The following PTPRD variants were observed in gnomAD, a reference collection of about 807,000 sequenced individuals.
PTPRD encodes the protein receptor-type tyrosine-protein phosphatase delta.
In PTPRD, 34 loss-of-function variants were observed where a neutral mutation model predicts 214.5. The observed-to-expected ratio is 0.16, with a 90% CI of 0.12 to 0.21. PTPRD has a LOEUF of 0.21. PTPRD is among the 10% of genes least tolerant of loss of function. PTPRD has a pLI of 1.00. For synonymous variants in PTPRD, 1,128 were observed against 845.7 expected (o/e 1.33, Z -5.79); for missense variants, 2,545 against 2,398.7 (o/e 1.06, Z -1.27).
intron 10 of PTPRD, among the ~76,000 whole-genome samples, chr9:9,111,786 TA>T (rs1025102082): frequency 5.9e-5 from 9 of 152,142 alleles, no homozygotes; most frequent in Admixed American, 5.2e-4. Context: ...AAACATTTTT[TA>T]AAAAAACTCA....
intron 3 of PTPRD, among the ~76,000 whole-genome samples, chr9:10,186,681 G>A (rs77458860): frequency 0.024 from 3,644 of 152,076 alleles, 150 homozygotes; most frequent in African/African-American, 0.083. Flanking sequence ...AATTACTAAA[G>A]TGTGAAACAT....
intron 7 of PTPRD, among the ~76,000 whole-genome samples, chr9:9,654,695 T>C: frequency 6.6e-6 from 1 of 152,238 alleles, no homozygotes; most frequent in East Asian, 1.9e-4. Flanking sequence ...ATTCTGAGTT[T>C]AGCTAGAAGG....
intron 12 of PTPRD, among the ~76,000 whole-genome samples, chr9:8,678,264 C>T (rs1297231034): frequency 1.3e-5 from 2 of 152,210 alleles, no homozygotes; most frequent in East Asian, 1.9e-4. Context: ...CTTACGACCC[C>T]GGGAGTCCTA....
intron 3 of PTPRD, among the ~76,000 whole-genome samples, chr9:10,239,684 T>A (rs1595069938): frequency 7.1e-6 from 1 of 140,780 alleles, no homozygotes; most frequent in African/African-American, 2.5e-5. Flanking sequence ...CTATAGGAAA[T>A]ATGATAACTA....
At chr9:9,979,129 C>T (rs1053942750) in intron 4 of PTPRD, among the ~76,000 whole-genome samples, 2 of 151,846 alleles carry the variant, frequency 1.3e-5, no homozygotes, top group African/African-American at 4.8e-5. Flanking sequence ...TGAGAAATGT[C>T]AGAGGATGTC....
intron 4 of PTPRD, among the ~76,000 whole-genome samples, chr9:9,990,522 G>A (rs1381491418): frequency 6.6e-6 from 1 of 152,178 alleles, no homozygotes; most frequent in African/African-American, 2.4e-5. Flanking sequence ...TGTGCCCAGT[G>A]GCCAAGCAGA....
intron 8 of PTPRD, among the ~76,000 whole-genome samples, chr9:9,516,060 G>A (rs1189789891): frequency 6.6e-6 from 1 of 151,986 alleles, no homozygotes; most frequent in Non-Finnish European, 1.5e-5. Context: ...CAAGCTTTTT[G>A]CTTAACCTTC....
chr9:9,918,036 T>G (rs1602078366), intron 5 of PTPRD, among the ~76,000 whole-genome samples: 1 of 151,910 alleles, frequency 6.6e-6, no homozygotes. Flanking sequence ...TTATTACACA[T>G]AGTATTCGAA....
At chr9:9,909,030 G>A (rs978174132) in intron 5 of PTPRD, among the ~76,000 whole-genome samples, 8 of 150,240 alleles carry the variant, frequency 5.3e-5, no homozygotes, top group African/African-American at 9.9e-5. Flanking sequence ...ATATCACTGA[G>A]GTAAATAAAG....
intron 5 of PTPRD, among the ~76,000 whole-genome samples, chr9:9,893,253 C>A (rs1327878717): frequency 1.3e-5 from 2 of 150,894 alleles, no homozygotes; most frequent in African/African-American, 2.4e-5. Flanking sequence ...ATCATGAGGA[C>A]AAGATCAAAT....
chr9:10,072,739 G>A (rs1423602697), intron 3 of PTPRD, among the ~76,000 whole-genome samples: 3 of 152,140 alleles, frequency 2.0e-5, no homozygotes, highest in East Asian at 1.9e-4. Flanking sequence ...TGATTGGGGC[G>A]TTTTTACAGA....
At chr9:8,455,558 A>C (rs2096159597) in intron 33 of PTPRD, among the ~76,000 whole-genome samples, 1 of 152,194 alleles carries the variant, frequency 6.6e-6, no homozygotes, top group South Asian at 2.1e-4. Context: ...ATATATACCC[A>C]AGTGGCTGGA....
intron 4 of PTPRD, among the ~76,000 whole-genome samples, chr9:9,954,648 G>T (rs922106417): frequency 6.6e-6 from 1 of 151,776 alleles, no homozygotes; most frequent in Non-Finnish European, 1.5e-5. Context: ...TACTATAATA[G>T]GTACATAACA....
At chr9:9,947,979 A>T (rs958907033) in intron 4 of PTPRD, among the ~76,000 whole-genome samples, 43 of 151,892 alleles carry the variant, frequency 2.8e-4, no homozygotes, top group Admixed American at 2.8e-3. Context: ...TGTTGCAGGA[A>T]TATCCTGGTA....
chr9:9,304,884 C>T (rs1489526749), intron 9 of PTPRD, among the ~76,000 whole-genome samples: 1 of 149,772 alleles, frequency 6.7e-6, no homozygotes, highest in Non-Finnish European at 1.5e-5. Flanking sequence ...ATAATCTCTC[C>T]ATGAAAGGAT....
At chr9:10,016,393 A>ATAGATAGG (rs56040812) in intron 4 of PTPRD, among the ~76,000 whole-genome samples, 27,255 of 149,856 alleles carry the variant, frequency 0.18, 2,672 homozygotes, top group South Asian at 0.25. Flanking sequence ...AGATAGATAG[A>ATAGATAGG]TAGACAGATA....
In PTPRD at chr9:9,478,601, C is replaced by T. The variant is rs186715849; in HGVS notation, c.-236-81119G>A. ...TTTAGATCTAACCATTTATTTCCTA[C>T]TGTCCTGCATCCCCCTCTCTCTCTA... On this transcript the variant is annotated intron_variant, in intron 8 of 45. Coordinates refer to ENST00000381196, the MANE Select transcript of PTPRD (RefSeq NM_002839.4). Among the ~76,000 whole-genome samples, 869 of 152,258 alleles carry T rather than the reference C, an allele frequency of 5.7e-3. 12 individuals are homozygous for T. The highest frequency in any genetic ancestry group is 0.019 in the African/African-American group (797 of 41,552).
At chr9:9,246,798 C>G (rs1471478914) in intron 9 of PTPRD, among the ~76,000 whole-genome samples, 1 of 151,934 alleles carries the variant, frequency 6.6e-6, no homozygotes, top group African/African-American at 2.4e-5. Flanking sequence ...AACCCAATTT[C>G]TGGACTGTGA....
intron 2 of PTPRD, among the ~76,000 whole-genome samples, chr9:10,492,381 C>G (rs1331203486): frequency 6.6e-6 from 1 of 151,948 alleles, no homozygotes; most frequent in African/African-American, 2.4e-5. Context: ...TCTGTTGTTT[C>G]CTGACTTTTT....
Sources: gnomAD v4.1 joint callset for allele counts (sites outside exome capture counted in the v4.1 genomes callset) on GRCh38, gnomAD v4.1.1 for gene constraint, MANE v1.5 for transcripts, NCBI Gene and HGNC (gene_info 2026-07-23, HGNC 2026-07-21) for gene names.